The following CTNNA2 variants were observed in gnomAD, a reference collection of about 807,000 sequenced individuals.
CTNNA2 encodes catenin alpha-2.
CTNNA2 carries 42 observed loss-of-function variants against 101.0 expected under a neutral mutation model. The ratio of observed to expected loss-of-function variants is 0.42; its 90% CI spans 0.32 to 0.54. The LOEUF (loss-of-function observed/expected upper bound fraction) is 0.54, where lower values mean the gene tolerates loss of function less well. Ranked by LOEUF, CTNNA2 falls within the 20% of genes least tolerant of loss-of-function variation. The pLI, the probability that CTNNA2 is intolerant of heterozygous loss-of-function variation, is 0.14. For synonymous variants in CTNNA2, 450 were observed against 456.4 expected (o/e 0.99, Z 0.18); for missense variants, 871 against 1,223.1 (o/e 0.71, Z 4.29).
rs189154095 is a variant in CTNNA2, at chr2:79,497,113, A to G, written c.-134-7941A>G. 2.5e-4 allele frequency among the ~76,000 whole-genome samples: 38 copies of G among 152,306 alleles called. No individual in the cohort carries two copies. The East Asian group carries it at 7.0e-3, about 28-fold the overall frequency. ...GTTTTCTCATACAAATCTGGATCCA[A>G]CGTGTACCATAATTGGAAGCTCCGG... On this transcript the variant is annotated intron_variant, in intron 4 of 21. Transcript: ENST00000466387.
chr2:79,244,100 G>A (rs1292709480), intron 2 of CTNNA2, among the ~76,000 whole-genome samples: 1 of 152,082 alleles, frequency 6.6e-6, no homozygotes, highest in Non-Finnish European at 1.5e-5. Flanking sequence ...TTATGTTGGG[G>A]AATTACTCAC....
chr2:79,303,243 G>A (rs1248942037), intron 2 of CTNNA2, among the ~76,000 whole-genome samples: 1 of 152,132 alleles, frequency 6.6e-6, no homozygotes, highest in Admixed American at 6.5e-5. Flanking sequence ...CAGGATCCAC[G>A]TCCTGAAGTG....
intron 7 of CTNNA2, among the ~76,000 whole-genome samples, chr2:79,980,095 C>G (rs1247372507): frequency 6.6e-6 from 1 of 152,110 alleles, no homozygotes. Flanking sequence ...TCTGTGTTTT[C>G]TTAGATTTGC....
At chr2:79,249,964 C>T (rs1674748843) in intron 2 of CTNNA2, among the ~76,000 whole-genome samples, 1 of 152,158 alleles carries the variant, frequency 6.6e-6, no homozygotes, top group Non-Finnish European at 1.5e-5. Flanking sequence ...CTGCCTGACT[C>T]CTGAGTTTTT....
chr2:80,003,819 T>A (rs1013141053), intron 7 of CTNNA2, among the ~76,000 whole-genome samples: 3 of 152,094 alleles, frequency 2.0e-5, no homozygotes, highest in African/African-American at 7.2e-5. Context: ...CTTCTGGGGA[T>A]CACATGAGGG....
intron 2 of CTNNA2, among the ~76,000 whole-genome samples, chr2:79,689,760 G>A (rs950037704): frequency 6.6e-6 from 1 of 151,960 alleles, no homozygotes; most frequent in Admixed American, 6.6e-5. Context: ...GAGAATTATA[G>A]CAGAAGAAGA....
At chr2:80,434,018 T>C (rs1289331722) in intron 9 of CTNNA2, among the ~76,000 whole-genome samples, 1 of 152,220 alleles carries the variant, frequency 6.6e-6, no homozygotes, top group Non-Finnish European at 1.5e-5. Flanking sequence ...TTTGCTCAAA[T>C]ACTGTTAATA....
At chr2:80,595,447 T>C (rs1233001372) in intron 15 of CTNNA2, among the ~76,000 whole-genome samples, 6 of 152,166 alleles carry the variant, frequency 3.9e-5, no homozygotes, top group Non-Finnish European at 1.5e-5. Context: ...CCTTTCCAAT[T>C]TGAATGCCTT....
chr2:80,318,153 T>G (rs756545519), intron 7 of CTNNA2, among the ~76,000 whole-genome samples: 1 of 152,310 alleles, frequency 6.6e-6, no homozygotes, highest in East Asian at 1.9e-4. Flanking sequence ...CTAAGCTATA[T>G]AAAATATTTT....
intron 3 of CTNNA2, among the ~76,000 whole-genome samples, chr2:79,794,764 G>T (rs1472660639): frequency 5.9e-5 from 9 of 152,166 alleles, no homozygotes; most frequent in South Asian, 2.1e-4. Flanking sequence ...CTGCCAAGAT[G>T]TAATAGGTAG....
chr2:80,416,513 T>C (rs1339958117), intron 8 of CTNNA2, among the ~76,000 whole-genome samples: 3 of 152,116 alleles, frequency 2.0e-5, no homozygotes. Context: ...TAAAATTTCA[T>C]AGTTAATCAT....
intron 2 of CTNNA2, among the ~76,000 whole-genome samples, chr2:79,652,007 T>C (rs1358860121): frequency 3.3e-5 from 5 of 152,166 alleles, no homozygotes; most frequent in Non-Finnish European, 7.4e-5. Flanking sequence ...GTGTTGACTA[T>C]ACAACAGCAA....
intron 9 of CTNNA2, among the ~76,000 whole-genome samples, chr2:80,446,139 G>A (rs1683052763): frequency 6.6e-6 from 1 of 152,174 alleles, no homozygotes; most frequent in Non-Finnish European, 1.5e-5. Flanking sequence ...CCTTGTAAGG[G>A]CATTCTTGAC....
intron 2 of CTNNA2, among the ~76,000 whole-genome samples, chr2:79,717,729 G>C (rs1431881818): frequency 6.6e-6 from 1 of 152,198 alleles, no homozygotes; most frequent in Non-Finnish European, 1.5e-5. Context: ...AAAAACAGTT[G>C]AAGTGTCAGA....
intron 7 of CTNNA2, among the ~76,000 whole-genome samples, chr2:79,954,946 A>G (rs560994787): frequency 2.0e-5 from 3 of 152,302 alleles, no homozygotes; most frequent in Non-Finnish European, 2.9e-5. Flanking sequence ...CTTCAGAAGA[A>G]ATACCCTTCT....
intron 2 of CTNNA2, among the ~76,000 whole-genome samples, chr2:79,740,991 T>A (rs192727783): frequency 6.6e-5 from 10 of 152,080 alleles, no homozygotes; most frequent in Admixed American, 6.6e-4. Context: ...TGGGAAAAAA[T>A]GACACTTCAG....
rs190115661 is a variant in CTNNA2 at position 79,357,908 on chromosome 2, T to C, written c.-317-15923T>C. On this transcript the variant is annotated intron_variant, in intron 3 of 21. Transcript: ENST00000466387. ...GTAAAACATCTTTGAATTTCCTACATAGATATGAGTTCTCCTTTGCTACAA... is the reference window on the plus strand; with the variant it reads ...GTAAAACATCTTTGAATTTCCTACACAGATATGAGTTCTCCTTTGCTACAA... Among the ~76,000 whole-genome samples, 9 of 152,308 alleles carry C rather than the reference T, an allele frequency of 5.9e-5. No individual in the cohort carries two copies. In the East Asian group the frequency reaches 1.7e-3, roughly 29 times the overall value.
chr2:79,310,642 A>G lies in CTNNA2; in HGVS notation c.-405-2067A>G, dbSNP rs149044152. On this transcript the variant is annotated intron_variant, in intron 2 of 21. Transcript: ENST00000466387. Reference sequence around the variant, plus strand: ...GCTGCAACCAATTTTTAGAAAACTAAAAGGATTTTTTTCTCTCGTTAAAGA... The same window carrying G: ...GCTGCAACCAATTTTTAGAAAACTAGAAGGATTTTTTTCTCTCGTTAAAGA... 5.3e-3 allele frequency among the ~76,000 whole-genome samples: 803 copies of G among 152,306 alleles called. 5 individuals are homozygous for G. Among genetic ancestry groups the G allele is most frequent in the Non-Finnish European group, 9.4e-3 (638 of 68,030 alleles).
In CTNNA2 at chr2:80,216,680, G is replaced by A. The variant is rs572177646; in HGVS notation, c.1057-176531G>A. Among the ~76,000 whole-genome samples the A allele has an allele frequency of 2.8e-3, 419 of 152,252 alleles. 2 individuals carry two copies. Among genetic ancestry groups the A allele is most frequent in the African/African-American group, 9.6e-3 (398 of 41,552 alleles). On this transcript the variant is annotated intron_variant, in intron 7 of 18. Coordinates refer to ENST00000402739, the MANE Select transcript of CTNNA2 (RefSeq NM_001282597.3). ...CAACCAGGCTGGCACTCCAGTCTTG[G>A]GCTTCCAGCCTCCAGAACGGTGAGA...
Sources: allele counts gnomAD v4.1 joint callset (sites outside exome capture counted in the v4.1 genomes callset), GRCh38; gene constraint gnomAD v4.1.1; transcripts MANE v1.5; gene names NCBI Gene and HGNC (gene_info 2026-07-23, HGNC 2026-07-21).